Variants in VTI1A observed in about 807,000 individuals in gnomAD.
VTI1A encodes vesicle transport through interaction with t-SNAREs 1A.
In VTI1A, 22 loss-of-function variants were observed where a neutral mutation model predicts 34.9. The ratio of observed to expected loss-of-function variants is 0.63; its 90% CI spans 0.45 to 0.90. VTI1A has a LOEUF of 0.90. VTI1A is among the 40% of genes least tolerant of loss of function. The pLI, the probability that VTI1A is intolerant of heterozygous loss-of-function variation, is 0.00. For missense variants in VTI1A, 268 were observed against 275.6 expected (o/e 0.97, Z 0.20); for synonymous variants, 87 against 97.3 (o/e 0.89, Z 0.62).
At chr10:112,731,559 G>A (rs1240590554) in intron 7 of VTI1A, among the ~76,000 whole-genome samples, 1 of 140,196 alleles carries the variant, frequency 7.1e-6, no homozygotes, top group East Asian at 2.1e-4. Flanking sequence ...TGGGCAACAA[G>A]AGTGAAACTC....
chr10:112,480,195 A>G (rs201167063), intron 3 of VTI1A, among the ~76,000 whole-genome samples: 1 of 135,268 alleles, frequency 7.4e-6, no homozygotes, highest in African/African-American at 2.5e-5. Flanking sequence ...TCAGGCTCTC[A>G]TTAGTAAAAC....
intron 7 of VTI1A, among the ~76,000 whole-genome samples, chr10:112,709,019 G>A (rs954964319): frequency 7.9e-5 from 12 of 152,056 alleles, no homozygotes; most frequent in African/African-American, 1.7e-4. Context: ...GCCCTCCAGC[G>A]TCTATTGTCA....
chr10:112,690,232 A>C (rs1848567666), intron 7 of VTI1A, among the ~76,000 whole-genome samples: 1 of 152,174 alleles, frequency 6.6e-6, no homozygotes, highest in African/African-American at 2.4e-5. Flanking sequence ...ATTTGTGTAT[A>C]TATCTTTTTG....
chr10:112,668,994 C>A lies in VTI1A; in HGVS notation c.556C>A (p.Arg186=). 1 of 1,611,946 alleles carries A rather than the reference C, an allele frequency of 6.2e-7. No individual in the cohort carries two copies. Among genetic ancestry groups the A allele is most frequent in the South Asian group, 1.1e-5 (1 of 90,996 alleles). The change falls in exon 7 of 8, where the codon CGA becomes AGA. Residue 186 remains arginine (R), a synonymous_variant. Coordinates refer to ENST00000393077, the MANE Select transcript of VTI1A (RefSeq NM_145206.4). ...KSSRILTGML[R]RIIQNRILLV... ...CTCCAGGATTCTGACAGGGATGTTGCGAAGGTAAGAGCAAGGTAGGGACAT... is the reference window on the plus strand; with the variant it reads ...CTCCAGGATTCTGACAGGGATGTTGAGAAGGTAAGAGCAAGGTAGGGACAT...
chr10:112,499,279 T>C (rs1488540259), intron 3 of VTI1A, among the ~76,000 whole-genome samples: 1 of 152,186 alleles, frequency 6.6e-6, no homozygotes, highest in Non-Finnish European at 1.5e-5. Flanking sequence ...GTCATCTATG[T>C]AGAACTTGAT....
chr10:112,820,051 C>T (rs912529419), downstream of VTI1A, among the ~76,000 whole-genome samples: 13 of 152,330 alleles, frequency 8.5e-5, no homozygotes, highest in African/African-American at 2.4e-4. Context: ...GCAGGAGCCA[C>T]GGCGTGGGAG....
In VTI1A at chr10:112,684,389, A is replaced by G. The variant is rs116690842; in HGVS notation, c.560+15391A>G. On this transcript the variant is annotated intron_variant, in intron 7 of 7. Transcript: ENST00000393077. Reference sequence around the variant, plus strand: ...AGCTATGTATCTTCATTCATAAACTATATTATTTGCTTAGTGTGGCATCCT... The same window carrying G: ...AGCTATGTATCTTCATTCATAAACTGTATTATTTGCTTAGTGTGGCATCCT... Among the ~76,000 whole-genome samples the G allele has an allele frequency of 4.7e-3, 701 of 149,888 alleles. 4 individuals carry two copies. The highest frequency in any genetic ancestry group is 0.017 in the African/African-American group (681 of 40,662).
Position 112,653,327 on chromosome 10 carries a change from TTTA to T in VTI1A, c.428-14888_428-14886del, listed in dbSNP as rs369637012. On this transcript the variant is annotated intron_variant, in intron 5 of 7. Coordinates refer to ENST00000393077, the MANE Select transcript of VTI1A (RefSeq NM_145206.4). ...TCATTTTGCTTTGTATTCCTGTCCT[TTTA>T]TTTGATTGATGACATCCAAAGAGTC... is the stretch of plus-strand genomic sequence containing the variant. Among the ~76,000 whole-genome samples, 323 of 152,298 alleles carry T rather than the reference TTTA, an allele frequency of 2.1e-3. 2 individuals are homozygous for T. The highest frequency in any genetic ancestry group is 7.4e-3 in the African/African-American group (309 of 41,568).
intron 5 of VTI1A, among the ~76,000 whole-genome samples, chr10:112,637,965 A>G (rs1171765901): frequency 6.6e-6 from 1 of 152,230 alleles, no homozygotes; most frequent in Non-Finnish European, 1.5e-5. Context: ...CACATATGCA[A>G]GCATGTTGTT....
intron 3 of VTI1A, among the ~76,000 whole-genome samples, chr10:112,524,583 C>T (rs2134215847): frequency 6.6e-6 from 1 of 152,242 alleles, no homozygotes; most frequent in Middle Eastern, 3.4e-3. Flanking sequence ...CATGTACACT[C>T]TTAATTGCTG....
chr10:112,454,704 T>C (rs1456736271), intron 1 of VTI1A, among the ~76,000 whole-genome samples: 1 of 118,904 alleles, frequency 8.4e-6, no homozygotes, highest in Non-Finnish European at 1.9e-5. Context: ...CTTATCAAGC[T>C]TATAGACCAA....
intron 7 of VTI1A, among the ~76,000 whole-genome samples, chr10:112,727,626 T>C (rs997525742): frequency 1.3e-5 from 2 of 152,174 alleles, no homozygotes; most frequent in African/African-American, 2.4e-5. Flanking sequence ...TCAGTGTACA[T>C]GTTGTATGAA....
the VTI1A span, among the ~76,000 whole-genome samples, chr10:112,837,421 T>C: frequency 7.9e-5 from 12 of 152,314 alleles, no homozygotes; most frequent in Non-Finnish European, 1.8e-4. Context: ...CTGAAGGCCA[T>C]GACCCCTGCT....
chr10:112,610,147 A>T lies in VTI1A; in HGVS notation c.428-58071A>T, dbSNP rs1845240941. Among the ~76,000 whole-genome samples, 4 of 150,082 alleles carry T rather than the reference A, an allele frequency of 2.7e-5. No individual in the cohort carries two copies. In the South Asian group the frequency reaches 8.4e-4, roughly 31 times the overall value. On this transcript the variant is annotated intron_variant, in intron 5 of 7. Transcript: ENST00000393077. The stretch of plus-strand genomic sequence containing the variant: ...AAAATCATCTTCAGTGTTCAGGGGG[A>T]ATCATAAAAATTATATACTTTTCCA...
intron 7 of VTI1A, among the ~76,000 whole-genome samples, chr10:112,738,150 C>T (rs531242370): frequency 2.5e-4 from 38 of 152,276 alleles, no homozygotes; most frequent in African/African-American, 7.7e-4. Context: ...CAGTCTGATT[C>T]GTTGTCTTAC....
chr10:112,500,945 T>G (rs1344000723), intron 3 of VTI1A, among the ~76,000 whole-genome samples: 1 of 152,226 alleles, frequency 6.6e-6, no homozygotes, highest in Non-Finnish European at 1.5e-5. Context: ...GTCAGGCTTC[T>G]TCTTTGTAAA....
intron 5 of VTI1A, among the ~76,000 whole-genome samples, chr10:112,643,537 C>G (rs1846661940): frequency 6.6e-6 from 1 of 152,092 alleles, no homozygotes; most frequent in Non-Finnish European, 1.5e-5. Context: ...AGAAACCTTT[C>G]TCCTTTGTTA....
rs79638521 is a variant in VTI1A, at chr10:112,747,186, A to G, written c.561-68104A>G. On this transcript the variant is annotated intron_variant, in intron 7 of 7. Transcript: ENST00000393077. ...CCGGGCCTCCAAACACTTCCCATAAATGGGGAATGCCTTAAGACACTCTCT... is the reference window on the plus strand; with the variant it reads ...CCGGGCCTCCAAACACTTCCCATAAGTGGGGAATGCCTTAAGACACTCTCT... Among the ~76,000 whole-genome samples the G allele has an allele frequency of 8.5e-5, 13 of 152,324 alleles. No homozygotes were observed. The East Asian group carries it at 2.5e-3, about 29-fold the overall frequency.
chr10:112,575,060 C>A (rs1002211779), intron 5 of VTI1A, among the ~76,000 whole-genome samples: 1 of 152,210 alleles, frequency 6.6e-6, no homozygotes, highest in Non-Finnish European at 1.5e-5. Context: ...GACTGAGATT[C>A]CAGATCACTG....
Sources: allele counts gnomAD v4.1 joint callset (sites outside exome capture counted in the v4.1 genomes callset), GRCh38; gene constraint gnomAD v4.1.1; transcripts MANE v1.5; gene names NCBI Gene and HGNC (gene_info 2026-07-23, HGNC 2026-07-21).